The following SCFD2 variants were observed in gnomAD, a reference collection of about 807,000 sequenced individuals.
SCFD2 encodes the protein sec1 family domain containing 2, also known as sec1 family domain-containing protein 2.
In SCFD2, 54 loss-of-function variants were observed where a neutral mutation model predicts 58.9. That is an observed-to-expected ratio of 0.92 (90% CI 0.74 to 1.15). SCFD2 has a LOEUF of 1.15. Among genes scored for constraint, SCFD2 ranks in the 50% most tolerant of loss-of-function variants. The pLI is 0.00. For missense variants in SCFD2, 805 were observed against 836.6 expected (o/e 0.96, Z 0.47); for synonymous variants, 321 against 335.9 (o/e 0.96, Z 0.49).
At chr4:53,256,176 C>T (rs1297930077) in intron 4 of SCFD2, among the ~76,000 whole-genome samples, 3 of 149,776 alleles carry the variant, frequency 2.0e-5, no homozygotes, top group African/African-American at 7.5e-5. Context: ...GACGGGGCGG[C>T]TGCCGGGCGG....
chr4:52,891,460 A>G (rs1339869854), intron 7 of SCFD2, among the ~76,000 whole-genome samples: 1 of 152,196 alleles, frequency 6.6e-6, no homozygotes, highest in Non-Finnish European at 1.5e-5. Context: ...AAGCAGGCAG[A>G]AGCCCCATTT....
chr4:53,043,142 A>G (rs1307573114), intron 5 of SCFD2, among the ~76,000 whole-genome samples: 1 of 152,166 alleles, frequency 6.6e-6, no homozygotes, highest in African/African-American at 2.4e-5. Context: ...CAGGGGTGAG[A>G]GGGAAGGAGG....
At chr4:53,100,430 T>G (rs1010154931) in intron 5 of SCFD2, among the ~76,000 whole-genome samples, 1 of 152,184 alleles carries the variant, frequency 6.6e-6, no homozygotes, top group Admixed American at 6.6e-5. Context: ...CACATGCATG[T>G]GTGCATATGT....
chr4:53,033,535 C>T (rs1267181585), intron 5 of SCFD2, among the ~76,000 whole-genome samples: 2 of 151,702 alleles, frequency 1.3e-5, no homozygotes, highest in African/African-American at 4.8e-5. Context: ...CAGGAGCTAG[C>T]TTTTTCAAAA....
At chr4:53,187,007 G>GA (rs1244735759) in intron 4 of SCFD2, among the ~76,000 whole-genome samples, 1 of 151,096 alleles carries the variant, frequency 6.6e-6, no homozygotes, top group Non-Finnish European at 1.5e-5. Context: ...ACTGTAAAAA[G>GA]AAAAAAGCAT....
At chr4:52,879,727 C>T (rs1299392735) in intron 8 of SCFD2, among the ~76,000 whole-genome samples, 1 of 152,202 alleles carries the variant, frequency 6.6e-6, no homozygotes, top group African/African-American at 2.4e-5. Context: ...TCCGTTGCTC[C>T]AGACCATGGC....
At chr4:53,010,834 C>T (rs1352605833) in intron 5 of SCFD2, among the ~76,000 whole-genome samples, 1 of 152,124 alleles carries the variant, frequency 6.6e-6, no homozygotes. Flanking sequence ...CAGGACGTTC[C>T]TCAGATCCCA....
intron 4 of SCFD2, among the ~76,000 whole-genome samples, chr4:53,152,632 A>G (rs1726545004): frequency 6.6e-6 from 1 of 152,208 alleles, no homozygotes; most frequent in African/African-American, 2.4e-5. Flanking sequence ...CCTCGCAATA[A>G]AAAATACAGT....
chr4:53,163,347 C>T (rs1726910978), intron 4 of SCFD2, among the ~76,000 whole-genome samples: 1 of 152,202 alleles, frequency 6.6e-6, no homozygotes, highest in African/African-American at 2.4e-5. Flanking sequence ...CATCCCCACC[C>T]AGAACTCACT....
At chr4:53,016,673 G>A (rs1370055580) in intron 5 of SCFD2, among the ~76,000 whole-genome samples, 1 of 152,120 alleles carries the variant, frequency 6.6e-6, no homozygotes, top group African/African-American at 2.4e-5. Flanking sequence ...TTAGAAGACA[G>A]GTGAAAGAAA....
At chr4:52,972,610 A>C (rs184966668) in intron 5 of SCFD2, among the ~76,000 whole-genome samples, 11 of 152,282 alleles carry the variant, frequency 7.2e-5, no homozygotes, top group African/African-American at 2.2e-4. Context: ...CAGATCAACA[A>C]GACAGAAAAT....
chr4:53,267,068 A>AT (rs1181265478), intron 4 of SCFD2, among the ~76,000 whole-genome samples: 4 of 152,176 alleles, frequency 2.6e-5, no homozygotes, highest in African/African-American at 7.2e-5. Flanking sequence ...GCAGTAACCT[A>AT]TTTTTAATTG....
chr4:53,205,976 ACTCTCAG>A (rs1728394683), intron 4 of SCFD2, among the ~76,000 whole-genome samples: 1 of 152,146 alleles, frequency 6.6e-6, no homozygotes, highest in Admixed American at 6.5e-5. Flanking sequence ...GAACTTTACA[ACTCTCAG>A]CTGTGAACAG....
intron 5 of SCFD2, among the ~76,000 whole-genome samples, chr4:53,084,145 A>G (rs988499218): frequency 6.6e-6 from 1 of 152,148 alleles, no homozygotes; most frequent in African/African-American, 2.4e-5. Flanking sequence ...GCTGCAGACC[A>G]GGGCATATCT....
intron 1 of SCFD2, among the ~76,000 whole-genome samples, chr4:53,354,706 TAGTC>T (rs931391127): frequency 6.6e-6 from 1 of 152,194 alleles, no homozygotes; most frequent in African/African-American, 2.4e-5. Flanking sequence ...AACCTGTATC[TAGTC>T]AGTCAGGTAA....
chr4:53,338,575 C>CTGTTTTTTTTTTTTTTTTT (rs1733752203), intron 2 of SCFD2, among the ~76,000 whole-genome samples: 1 of 72,296 alleles, frequency 1.4e-5, no homozygotes, highest in Non-Finnish European at 2.5e-5. Context: ...GTATATTTTT[C>CTGTTTTTTTTTTTTTTTTT]TTTTTTTTTT....
chr4:53,110,693 G>T (rs1367714181), intron 5 of SCFD2, among the ~76,000 whole-genome samples: 2 of 152,190 alleles, frequency 1.3e-5, no homozygotes, highest in Admixed American at 1.3e-4. Context: ...AACAACAGAC[G>T]CTGGAGAGGA....
At chr4:52,975,690 T>G (rs1291336709) in intron 5 of SCFD2, among the ~76,000 whole-genome samples, 3 of 152,178 alleles carry the variant, frequency 2.0e-5, no homozygotes, top group Non-Finnish European at 1.5e-5. Context: ...CCCAAAGGAT[T>G]ATAAATCATG....
intron 4 of SCFD2, among the ~76,000 whole-genome samples, chr4:53,221,564 T>C (rs950106524): frequency 2.0e-5 from 3 of 152,234 alleles, no homozygotes; most frequent in African/African-American, 4.8e-5. Context: ...TCCTCTCCAA[T>C]AGTGATTTGT....
Sources: gnomAD v4.1 joint callset for allele counts (sites outside exome capture counted in the v4.1 genomes callset) on GRCh38, gnomAD v4.1.1 for gene constraint, MANE v1.5 for transcripts, NCBI Gene and HGNC (gene_info 2026-07-23, HGNC 2026-07-21) for gene names.